The following ESS2 variants were observed in gnomAD, a reference collection of about 807,000 sequenced individuals.
ESS2 encodes the protein ess-2 spliceosome associated protein, also known as splicing factor ESS-2 homolog.
A neutral mutation model predicts 52.0 loss-of-function variants in ESS2; 31 were observed. The ratio of observed to expected loss-of-function variants is 0.60; its 90% CI spans 0.45 to 0.81. The LOEUF is 0.81. ESS2 is among the 30% of genes least tolerant of loss of function. ESS2 has a pLI of 0.00. For missense variants in ESS2, 602 were observed against 637.2 expected (o/e 0.94, Z 0.59); for synonymous variants, 285 against 259.2 (o/e 1.10, Z -0.95).
chr22:19,139,497 G>T, intron 5 of ESS2, 115 bp downstream of exon 5: 1 of 1,264,110 alleles, frequency 7.9e-7, no homozygotes, highest in Non-Finnish European at 1.1e-6. Context: ...CCCATCAGAA[G>T]CCCAAACTGC....
At position 19,134,168 on chromosome 22, in the gene ESS2, C is replaced by A. The variant is rs372220523; in HGVS notation, c.*28G>T. 2.0e-6 allele frequency: 3 copies of A among 1,479,276 alleles called. No individual in the cohort carries two copies. Among genetic ancestry groups the A allele is most frequent in the Non-Finnish European group, 2.7e-6 (3 of 1,114,818 alleles). 91.6% of individuals were successfully genotyped at this position (1,479,276 alleles called of 1,614,324 possible). On this transcript the variant is annotated 3_prime_UTR_variant, in exon 10 of 10. Coordinates refer to ENST00000252137, the MANE Select transcript of ESS2 (RefSeq NM_022719.3). ...CAGCTGCCCTGCAGGCTCTGTGAAG[C>A]GTCTATGAGCCCAGCCCAGGCCTGG...
At position 19,134,356 on chromosome 22, in the gene ESS2, C is replaced by G. The variant is rs776531141; in HGVS notation, c.1271G>C (p.Arg424Pro). 5 of 1,611,814 alleles carry G rather than the reference C, an allele frequency of 3.1e-6. No individual in the cohort carries two copies. Among genetic ancestry groups the G allele is most frequent in the Non-Finnish European group, 4.2e-6 (5 of 1,179,224 alleles). Residue 424 changes from arginine to proline, a missense_variant, in exon 10 of 10, where the codon CGC becomes CCC. Transcript: ENST00000252137. The stretch of plus-strand genomic sequence containing the variant: ...GGCCGGGGTCTTGAGGTGGGTGGAG[C>G]GTGCTGGGGATGGTGTGTAGCTGGC... ...LRASYTPSPA[R>P]STHLKTPASG...
In ESS2 at chr22:19,144,539, C is replaced by T; in HGVS notation, c.102G>A (p.Lys34=). ...ACTCTTCCTCGTCCAGGACCCGCTG[C>T]TTGCTCGTCGCAGCCCCAGCCTCTC... The part of the protein sequence containing the change: ...EAGEAGAATS[K]QRVLDEEEYI... The change falls in exon 1 of 10, where the codon AAG becomes AAA. Residue 34 remains lysine, a synonymous_variant. Transcript: ENST00000252137. 1 of 1,609,550 alleles carries T rather than the reference C, an allele frequency of 6.2e-7. No homozygotes were observed. The highest frequency in any genetic ancestry group is 8.5e-7 in the Non-Finnish European group (1 of 1,178,244).
At chr22:19,143,030 C>G (rs910767960) in intron 1 of ESS2, 136 bp from the exon 2 acceptor site, 9 of 834,254 alleles carry the variant, frequency 1.1e-5, no homozygotes, top group Admixed American at 5.3e-5. Flanking sequence ...CATGGTGAAA[C>G]CCAGTCTCTA....
rs766419391 is a variant in ESS2 at position 19,142,739 on chromosome 22, C to T, written c.291G>A (p.Glu97=). The change falls in exon 2 of 10, where the codon GAG becomes GAA. Residue 97 remains glutamate, a synonymous_variant. Transcript: ENST00000252137. ...GGGTCCTCATACAGGGTGGCGGGGG[C>T]TCCCGGGACATCTTGCCCAAGGCAG... ...FGSALGKMSR[E]PPPPYVTPAT... The T allele has an allele frequency of 3.2e-5, 51 of 1,613,718 alleles. No individual in the cohort carries two copies. Among genetic ancestry groups the T allele is most frequent in the Non-Finnish European group, 4.1e-5 (48 of 1,179,858 alleles).
chr22:19,137,511 C>T, intron 7 of ESS2, 79 bp from the exon 8 acceptor site: 1 of 1,140,360 alleles, frequency 8.8e-7, no homozygotes, highest in Non-Finnish European at 1.3e-6. Flanking sequence ...CTTGTTCACC[C>T]AATGTGCATC....
At position 19,130,441 on chromosome 22, in the gene ESS2, T is replaced by C. The variant is rs2083496096; in HGVS notation, c.*3755A>G. On this transcript the variant is annotated 3_prime_UTR_variant, in exon 10 of 10. Transcript: ENST00000252137. ...ATCACCTAAGTCTACTGGTAACTAA[T>C]TTTGTTCCAAGGAGAAGGTCAGAGG... 4.1e-6 allele frequency: 1 copy of C among 241,838 alleles called. No homozygotes were observed. The highest frequency in any genetic ancestry group is 8.1e-6 in the Non-Finnish European group (1 of 123,866). 15.0% of individuals were successfully genotyped at this position (241,838 alleles called of 1,614,324 possible). A position where few individuals can be genotyped will look rare whatever the true frequency, so the allele number is the denominator to read the frequency against.
chr22:19,142,704 G>T, intron 2 of ESS2, 22 bp downstream of exon 2: 2 of 1,610,620 alleles, frequency 1.2e-6, no homozygotes, highest in Non-Finnish European at 1.7e-6. Flanking sequence ...TCCCCTCTCC[G>T]CCACCCACAG....
rs76101431 is a variant in ESS2, at chr22:19,134,040, T to C, written c.*156A>G. ...TGTGGGCACGAGTGCCTTGTGCCAGTCTGGCCCCAGCACAGCCCCTTTCTC... is the reference window on the plus strand; with the variant it reads ...TGTGGGCACGAGTGCCTTGTGCCAGCCTGGCCCCAGCACAGCCCCTTTCTC... On this transcript the variant is annotated 3_prime_UTR_variant, in exon 10 of 10. Coordinates refer to ENST00000252137, the MANE Select transcript of ESS2 (RefSeq NM_022719.3). The C allele has an allele frequency of 0.014, 12,776 of 920,396 alleles. 477 individuals are homozygous for C. The highest frequency in any genetic ancestry group is 0.078 in the East Asian group (2,370 of 30,506). 57.0% of individuals were successfully genotyped at this position (920,396 alleles called of 1,614,324 possible). A position where few individuals can be genotyped will look rare whatever the true frequency, so the allele number is the denominator to read the frequency against.
At chr22:19,144,262 C>A in intron 1 of ESS2, 1 of 1,281,558 alleles carries the variant, frequency 7.8e-7, no homozygotes. Context: ...AGAAAATCTT[C>A]TTTCCCTGAC....
chr22:19,132,534 C>T lies in ESS2; in HGVS notation c.*1662G>A, dbSNP rs185040791. Reference sequence around the variant, plus strand: ...TCGGGGTTGGGGGGCATGGTGCAGTCGGCCTTCACGTAAACTAAGTAGGCA... The same window carrying T: ...TCGGGGTTGGGGGGCATGGTGCAGTTGGCCTTCACGTAAACTAAGTAGGCA... On this transcript the variant is annotated 3_prime_UTR_variant, in exon 10 of 10. Coordinates refer to ENST00000252137, the MANE Select transcript of ESS2 (RefSeq NM_022719.3). This position sits in a 1 kb window ranked among gnomAD's most constrained non-coding sequence, Gnocchi z 4.2. 434 of 1,510,322 alleles carry T rather than the reference C, an allele frequency of 2.9e-4. 2 individuals are homozygous for T. In the East Asian group the frequency reaches 6.1e-3, roughly 21 times the overall value. The allele number at this position is 1,510,322 out of a possible 1,614,324, so 93.6% of individuals were successfully genotyped here. A position where few individuals can be genotyped will look rare whatever the true frequency, so the allele number is the denominator to read the frequency against.
intron 3 of ESS2, 147 bp downstream of exon 3, chr22:19,142,391 C>G (rs118191214): frequency 1.9e-4 from 140 of 731,232 alleles, no homozygotes; most frequent in Non-Finnish European, 3.0e-4. Context: ...GACCAATGTC[C>G]TTTGACTTCA....
At chr22:19,137,708 A>C (rs2083608421) in intron 7 of ESS2, 3 of 982,374 alleles carry the variant, frequency 3.1e-6, no homozygotes, top group Middle Eastern at 5.3e-4. Flanking sequence ...AGGAGGAGAC[A>C]CTCAGGCCTT....
intron 2 of ESS2, 26 bp downstream of exon 2, chr22:19,142,700 C>G (rs2083710443): frequency 1.9e-6 from 3 of 1,610,478 alleles, no homozygotes; most frequent in Non-Finnish European, 2.5e-6. Context: ...GCTTTCCCCT[C>G]TCCGCCACCC....
Position 19,139,047 on chromosome 22 carries a change from T to C in ESS2, c.822+112A>G. ...GGATCCTGCCGCACAGGGCCCCAGA[T>C]GGTTCCACTCACTGAGCTCTGCCAA... On this transcript the variant is annotated intron_variant, in intron 6 of 9. Coordinates refer to ENST00000252137, the MANE Select transcript of ESS2 (RefSeq NM_022719.3). The C allele has an allele frequency of 5.7e-6, 8 of 1,394,040 alleles. No individual in the cohort carries two copies. The South Asian group carries it at 1.0e-4, about 17-fold the overall frequency. The allele number at this position is 1,394,040 out of a possible 1,614,324, so 86.4% of individuals were successfully genotyped here. A position where few individuals can be genotyped will look rare whatever the true frequency, so the allele number is the denominator to read the frequency against.
intron 8 of ESS2, among the ~76,000 whole-genome samples, chr22:19,136,031 T>TAAAAAAAAAAAAAAA (rs377121962): frequency 5.4e-5 from 5 of 92,544 alleles, no homozygotes; most frequent in African/African-American, 2.2e-4. Flanking sequence ...CCCTATCTGT[T>TAAAAAAAAAAAAAAA]AAAAAAAAAA....
Position 19,135,045 on chromosome 22 carries a change from C to G in ESS2, c.1151+15G>C. On this transcript the variant is annotated intron_variant, in intron 9 of 9. Coordinates refer to ENST00000252137, the MANE Select transcript of ESS2 (RefSeq NM_022719.3). The stretch of plus-strand genomic sequence containing the variant: ...GCCACCCTCGCACTTCCCCACCAGC[C>G]AGGCGGCCCCTCACCTGGCCAGATT... The G allele has an allele frequency of 6.2e-7, 1 of 1,610,564 alleles. No individual in the cohort carries two copies. The highest frequency in any genetic ancestry group is 8.5e-7 in the Non-Finnish European group (1 of 1,178,196).
rs1181202280 is a variant in ESS2 at position 19,138,218 on chromosome 22, G to A, written c.922C>T (p.Pro308Ser). The change falls in exon 7 of 10, where the codon CCT (proline) becomes TCT (serine). Residue 308 changes from proline (P) to serine (S), a missense_variant. Transcript: ENST00000252137. ...TGCCAGTGGGCACTTTTCTCACCAG[G>A]GGCAGGGGAAGGAGTGGCAACAAAT... ...FGFVATPSPA[P>S]GVNESPMMTW... The A allele has an allele frequency of 9.9e-6, 16 of 1,613,888 alleles. No homozygotes were observed. The highest frequency in any genetic ancestry group is 1.4e-5 in the Non-Finnish European group (16 of 1,179,968).
chr22:19,139,109 G>C, intron 6 of ESS2, 50 bp downstream of exon 6: 1 of 1,543,248 alleles, frequency 6.5e-7, no homozygotes, highest in African/African-American at 1.4e-5. Context: ...CTGCCCCCAG[G>C]CAGCCCTGTC....
Sources: allele counts gnomAD v4.1 joint callset (sites outside exome capture counted in the v4.1 genomes callset), GRCh38; gene constraint gnomAD v4.1.1; non-coding constraint Gnocchi (gnomAD v3.1); transcripts MANE v1.5; gene names NCBI Gene and HGNC (gene_info 2026-07-23, HGNC 2026-07-21).